LGR4: variants seen among roughly 807,000 people sequenced by gnomAD.
The protein encoded by LGR4 is leucine-rich repeat-containing G protein-coupled receptor 4.
LGR4 carries 44 observed loss-of-function variants against 84.8 expected under a neutral mutation model. The ratio of observed to expected loss-of-function variants is 0.52; its 90% confidence interval spans 0.41 to 0.67. The LOEUF is 0.67. Among genes scored for constraint, LGR4 ranks in the 30% least tolerant of loss-of-function variants. The pLI is 0.00. For missense variants in LGR4, 1,032 were observed against 1,131.4 expected (o/e 0.91, Z 1.26); for synonymous variants, 429 against 434.3 (o/e 0.99, Z 0.15).
intron 14 of LGR4, 96 bp downstream of exon 14, chr11:27,373,874 TAACTA>T (rs1565069669): frequency 1.9e-6 from 2 of 1,059,802 alleles, no homozygotes; most frequent in South Asian, 1.3e-5. Flanking sequence ...TACAAGGGAA[TAACTA>T]AACAGAAAAA....
intron 11 of LGR4, among the ~76,000 whole-genome samples, 173 bp downstream of exon 11, chr11:27,378,524 C>G (rs1037874122): frequency 6.6e-6 from 1 of 152,182 alleles, no homozygotes; most frequent in Admixed American, 6.5e-5. Flanking sequence ...AAACCTAATT[C>G]AAATGCACAT....
At chr11:27,373,773 A>T in intron 14 of LGR4, 97 bp from the exon 15 acceptor site, 1 of 1,246,466 alleles carries the variant, frequency 8.0e-7, no homozygotes, top group Non-Finnish European at 1.1e-6. Flanking sequence ...GATCCCTAAG[A>T]TGAAGTTCAA....
rs778693507 is a variant in LGR4, at chr11:27,380,673, G to T, written c.869C>A (p.Ser290Ter). The change falls in exon 9 of 18, where the codon TCA becomes TAA. Residue 290 changes from serine to a stop codon, truncating the protein, a stop_gained. Coordinates refer to ENST00000379214, the MANE Select transcript of LGR4 (RefSeq NM_018490.5). LOFTEE classifies it high-confidence loss of function. The part of the protein sequence containing the change: ...YDNPLSFVGN[S>*]AFHNLSDLHS... ...AAGATCAGATAAATTGTGAAATGCT[G>T]AGTTCCCCACAAAAGACAGAGGATT... The T allele has an allele frequency of 6.2e-7, 1 of 1,603,408 alleles. No individual in the cohort carries two copies. Among genetic ancestry groups the T allele is most frequent in the South Asian group, 1.1e-5 (1 of 89,810 alleles).
chr11:27,423,523 A>C (rs1438165840), intron 1 of LGR4, among the ~76,000 whole-genome samples: 1 of 152,262 alleles, frequency 6.6e-6, no homozygotes, highest in Non-Finnish European at 1.5e-5. Flanking sequence ...TCTATCCTTA[A>C]AGAAATGACT....
intron 1 of LGR4, among the ~76,000 whole-genome samples, chr11:27,433,615 T>C (rs1137948): frequency 0.037 from 5,606 of 152,170 alleles, 347 homozygotes; most frequent in African/African-American, 0.13. Flanking sequence ...TCTCCTATAG[T>C]TTATACCCTA....
intron 1 of LGR4, among the ~76,000 whole-genome samples, chr11:27,431,738 C>G (rs1207334978): frequency 1.3e-5 from 2 of 152,154 alleles, no homozygotes; most frequent in Admixed American, 6.5e-5. Context: ...GTAAGATGAC[C>G]AATCTTCAAG....
intron 17 of LGR4, among the ~76,000 whole-genome samples, chr11:27,369,680 C>T (rs1158640082): frequency 6.6e-6 from 1 of 152,182 alleles, no homozygotes. Flanking sequence ...TATAGTTAGA[C>T]TTCAATAAAT....
chr11:27,424,313 G>A (rs896499705), intron 1 of LGR4, among the ~76,000 whole-genome samples: 2 of 152,120 alleles, frequency 1.3e-5, no homozygotes, highest in Non-Finnish European at 2.9e-5. Context: ...GCCGAGGAAG[G>A]AAGATTGCTT....
At chr11:27,452,586 T>C (rs1420716163) in intron 1 of LGR4, among the ~76,000 whole-genome samples, 2 of 150,668 alleles carry the variant, frequency 1.3e-5, no homozygotes, top group African/African-American at 2.4e-5. Flanking sequence ...TTGTCATTTA[T>C]AGTAAACCTG....
Position 27,373,996 on chromosome 11 carries a change from G to A in LGR4, c.1232C>T (p.Thr411Ile). 1.2e-6 allele frequency: 2 copies of A among 1,611,362 alleles called. No individual in the cohort carries two copies. The highest frequency in any genetic ancestry group is 1.7e-6 in the Non-Finnish European group (2 of 1,177,618). The change falls in exon 14 of 18, where the codon ACA (threonine) becomes ATA (isoleucine). Residue 411 changes from threonine (T) to isoleucine (I), a missense_variant. Thr to Ile is a moderately conservative substitution (Grantham distance 89). Transcript: ENST00000379214. Reference protein sequence around the residue: ...IHEIHSRAFATLGPITNLDVS... With the variant: ...IHEIHSRAFAILGPITNLDVS... The stretch of plus-strand genomic sequence containing the variant: ...TTACAGGTTAGTTATTGGCCCAAGT[G>A]TGGCAAAAGCTCTACTGTGAATTTC...
At chr11:27,466,666 A>G (rs1289280949) in intron 1 of LGR4, among the ~76,000 whole-genome samples, 1 of 152,248 alleles carries the variant, frequency 6.6e-6, no homozygotes, top group African/African-American at 2.4e-5. Context: ...GGGCCTGGAC[A>G]TTAAACACTT....
chr11:27,423,293 C>T (rs1863956372), intron 1 of LGR4, among the ~76,000 whole-genome samples: 1 of 152,162 alleles, frequency 6.6e-6, no homozygotes, highest in Non-Finnish European at 1.5e-5. Context: ...ATGAGGCAAT[C>T]CATATACCCT....
chr11:27,410,095 T>C (rs925275755), intron 2 of LGR4, among the ~76,000 whole-genome samples: 3 of 152,180 alleles, frequency 2.0e-5, no homozygotes, highest in Non-Finnish European at 4.4e-5. Context: ...ACTGAATTTT[T>C]CATTTTATTT....
intron 1 of LGR4, among the ~76,000 whole-genome samples, chr11:27,439,253 A>G (rs1250493342): frequency 1.3e-5 from 2 of 152,074 alleles, no homozygotes; most frequent in Non-Finnish European, 1.5e-5. Context: ...GGCATCCACC[A>G]TGCTACTTTC....
rs78306616 is a variant in LGR4 at position 27,452,422 on chromosome 11, C to A, written c.185+19696G>T. Among the ~76,000 whole-genome samples, 912 of 152,090 alleles carry A rather than the reference C, an allele frequency of 6.0e-3. 10 individuals carry two copies. Among genetic ancestry groups the A allele is most frequent in the African/African-American group, 0.021 (872 of 41,472 alleles). Reference sequence around the variant, plus strand: ...AACACTATTTACTAAAGCTACAGACCCTACTCAGATGGATTCATGTAACTA... The same window carrying A: ...AACACTATTTACTAAAGCTACAGACACTACTCAGATGGATTCATGTAACTA... On this transcript the variant is annotated intron_variant, in intron 1 of 17. Transcript: ENST00000379214.
chr11:27,446,994 T>C (rs986279546), intron 1 of LGR4, among the ~76,000 whole-genome samples: 2 of 149,444 alleles, frequency 1.3e-5, no homozygotes, highest in African/African-American at 2.5e-5. Context: ...ATGAGAACAC[T>C]TGGACACAGG....
intron 4 of LGR4, among the ~76,000 whole-genome samples, chr11:27,390,861 A>G (rs112400226): frequency 2.0e-5 from 3 of 152,170 alleles, no homozygotes. Context: ...ATGGAAGTAC[A>G]CCCAGCAGTG....
At chr11:27,369,404 G>T (rs1402459612) in intron 17 of LGR4, among the ~76,000 whole-genome samples, 7 of 152,092 alleles carry the variant, frequency 4.6e-5, no homozygotes, top group African/African-American at 1.2e-4. Context: ...GATAAAGAGT[G>T]ATATTTAGAT....
intron 1 of LGR4, among the ~76,000 whole-genome samples, chr11:27,461,257 C>G (rs1864674382): frequency 6.6e-6 from 1 of 151,634 alleles, no homozygotes; most frequent in Admixed American, 6.6e-5. Context: ...AATCCCAGCA[C>G]TTTCAGAGGC....
Sources: allele counts gnomAD v4.1 joint callset (sites outside exome capture counted in the v4.1 genomes callset), GRCh38; gene constraint gnomAD v4.1.1; transcripts MANE v1.5; gene names NCBI Gene and HGNC (gene_info 2026-07-23, HGNC 2026-07-21).